The following HEATR9 variants were observed in gnomAD, a reference collection of about 807,000 sequenced individuals.
HEATR9 encodes the protein HEAT repeat containing 9, also known as protein HEATR9.
In HEATR9, 54 loss-of-function variants were observed where a neutral mutation model predicts 68.2. The observed-to-expected ratio is 0.79, with a 90% CI of 0.64 to 0.99. The LOEUF is 0.99. Among genes scored for constraint, HEATR9 ranks in the 50% least tolerant of loss-of-function variants. The pLI is 0.00. For missense variants in HEATR9, 662 were observed against 679.7 expected (o/e 0.97, Z 0.29); for synonymous variants, 241 against 253.5 (o/e 0.95, Z 0.47).
chr17:35,863,126 C>A lies in HEATR9; in HGVS notation c.626-1G>T. 1.2e-6 allele frequency: 2 copies of A among 1,613,984 alleles called. No individual in the cohort carries two copies. Among genetic ancestry groups the A allele is most frequent in the Non-Finnish European group, 1.7e-6 (2 of 1,180,038 alleles). Reference sequence around the variant, plus strand: ...CGGATCACATGCTTATTCAGGCAACCTGGACAGGGAGGGGCCTCAAGTCAG... The same window carrying A: ...CGGATCACATGCTTATTCAGGCAACATGGACAGGGAGGGGCCTCAAGTCAG... On this transcript the variant is annotated splice_acceptor_variant, in intron 7 of 14. Coordinates refer to ENST00000604834, the MANE Select transcript of HEATR9 (RefSeq NM_152781.4). LOFTEE classifies it high-confidence loss of function.
intron 8 of HEATR9, chr17:35,861,524 G>A (rs554833911): frequency 8.2e-5 from 77 of 941,986 alleles, no homozygotes; most frequent in Non-Finnish European, 1.3e-4. Context: ...TCATGGCTGG[G>A]GTAGATGGGC....
chr17:35,861,135 C>G, intron 8 of HEATR9: 1 of 1,363,840 alleles, frequency 7.3e-7, no homozygotes, highest in South Asian at 1.2e-5. Context: ...TCTCTTCCAA[C>G]TGCTTCCCTT....
chr17:35,858,484 G>T lies in HEATR9; in HGVS notation c.981C>A (p.Ala327=). ...MLVKVMHVHS[A]PVIKAILDQL... ...GGTCTAGGATGGCCTTGATGACTGG[G>T]GCTGAGTGCACGTGCATCACCTTGA... The change falls in exon 10 of 15, where the codon GCC becomes GCA. Residue 327 remains alanine, a synonymous_variant. Coordinates refer to ENST00000604834, the MANE Select transcript of HEATR9 (RefSeq NM_152781.4). 1 of 1,614,078 alleles carries T rather than the reference G, an allele frequency of 6.2e-7. No individual in the cohort carries two copies. The highest frequency in any genetic ancestry group is 8.5e-7 in the Non-Finnish European group (1 of 1,180,020).
At chr17:35,860,994 C>T (rs1350172808) in intron 8 of HEATR9, 4 of 578,132 alleles carry the variant, frequency 6.9e-6, no homozygotes, top group African/African-American at 5.6e-5. Context: ...TGCAGTGAGC[C>T]GAGATCATGC....
chr17:35,856,387 A>G, intron 12 of HEATR9, 163 bp from the exon 13 acceptor site: 2 of 1,550,560 alleles, frequency 1.3e-6, no homozygotes, highest in Non-Finnish European at 1.7e-6. Flanking sequence ...AGGGAGAGGA[A>G]AAAGAGGCAC....
chr17:35,865,603 T>C (rs1394006807), intron 2 of HEATR9, among the ~76,000 whole-genome samples: 1 of 152,202 alleles, frequency 6.6e-6, no homozygotes, highest in Non-Finnish European at 1.5e-5. Context: ...AGTCTTCTTA[T>C]CTGTAAAACA....
At chr17:35,864,922 C>T (rs148728864) in intron 3 of HEATR9, 32 bp from the exon 4 acceptor site, 3 of 1,613,928 alleles carry the variant, frequency 1.9e-6, no homozygotes, top group Non-Finnish European at 2.5e-6. Context: ...CAGCTTTGGT[C>T]CCTTTGTACC....
At chr17:35,863,775 T>C (rs1391112024) in intron 6 of HEATR9, 4 of 609,290 alleles carry the variant, frequency 6.6e-6, no homozygotes, top group Non-Finnish European at 1.2e-5. Context: ...CTATCTGGTA[T>C]CTTGTAGCCA....
At chr17:35,864,934 T>TC in intron 3 of HEATR9, 44 bp from the exon 4 acceptor site, 1 of 1,613,482 alleles carries the variant, frequency 6.2e-7, no homozygotes, top group Non-Finnish European at 8.5e-7. Context: ...CTTTGTACCT[T>TC]CCCTCCTCAG....
In HEATR9 at chr17:35,865,379, A is replaced by C. The variant is rs77979655; in HGVS notation, c.156T>G (p.Phe52Leu). The C allele has an allele frequency of 6.2e-7, 1 of 1,612,936 alleles. No homozygotes were observed. Among genetic ancestry groups the C allele is most frequent in the Non-Finnish European group, 8.5e-7 (1 of 1,179,880 alleles). The change falls in exon 3 of 15, where the codon TTT (phenylalanine) becomes TTG (leucine). Residue 52 changes from phenylalanine (F) to leucine (L), a missense_variant. Coordinates refer to ENST00000604834, the MANE Select transcript of HEATR9 (RefSeq NM_152781.4). Reference protein sequence around the residue: ...LSCYQMPKEEFPPSPECWRQH... With the variant: ...LSCYQMPKEELPPSPECWRQH... ...GCCTCCAGCACTCTGGACTTGGGGG[A>C]AACTCTTCCTTTGGCATCTGGGGGT...
intron 6 of HEATR9, 55 bp from the exon 7 acceptor site, chr17:35,863,614 C>T: frequency 1.3e-6 from 2 of 1,559,320 alleles, no homozygotes; most frequent in Non-Finnish European, 1.8e-6. Flanking sequence ...AATGTCAGAG[C>T]TTTAGGGATT....
At chr17:35,857,992 T>A (rs2087837240) in intron 11 of HEATR9, among the ~76,000 whole-genome samples, 1 of 152,060 alleles carries the variant, frequency 6.6e-6, no homozygotes, top group Non-Finnish European at 1.5e-5. Context: ...TTTTTTACCT[T>A]ATAGAAGGAA....
chr17:35,861,526 T>C, intron 8 of HEATR9: 1 of 928,448 alleles, frequency 1.1e-6, no homozygotes, highest in Admixed American at 1.7e-5. Context: ...ATGGCTGGGG[T>C]AGATGGGCCT....
chr17:35,868,881 A>C lies in HEATR9; in HGVS notation c.-139T>G. 1 of 687,378 alleles carries C rather than the reference A, an allele frequency of 1.5e-6. No homozygotes were observed. Among genetic ancestry groups the C allele is most frequent in the Non-Finnish European group, 2.5e-6 (1 of 407,758 alleles). 42.6% of individuals were successfully genotyped at this position (687,378 alleles called of 1,614,324 possible). On this transcript the variant is annotated 5_prime_UTR_variant, in exon 1 of 15. Transcript: ENST00000604834. Reference sequence around the variant, plus strand: ...AGGTGTCTGGACTTCTGGAGGTAGAAGCTTCCAAGTGCTAAGCGACCAGGT... The same window carrying C: ...AGGTGTCTGGACTTCTGGAGGTAGACGCTTCCAAGTGCTAAGCGACCAGGT...
intron 8 of HEATR9, among the ~76,000 whole-genome samples, chr17:35,862,233 C>A (rs947628574): frequency 5.3e-5 from 8 of 152,090 alleles, no homozygotes; most frequent in Non-Finnish European, 7.4e-5. Context: ...AATGTAACCT[C>A]CTCCATAAGC....
chr17:35,865,276 A>G lies in HEATR9; in HGVS notation c.259T>C (p.Tyr87His), dbSNP rs748062747. Residue 87 changes from tyrosine (Y) to histidine (H), a missense_variant, in exon 3 of 15, where the codon TAT (tyrosine) becomes CAT (histidine). By Grantham distance (83) the Tyr-to-His change is moderately conservative (BLOSUM62 2). Coordinates refer to ENST00000604834, the MANE Select transcript of HEATR9 (RefSeq NM_152781.4). ...GCCTCCCTTTCCTCTCGCTGATCAT[A>G]CAGGTCGTGCCAGTGCGTGTAGATC... ...PEIYTHWHDLYDQREEREAEK... is the reference protein window; with the variant it reads ...PEIYTHWHDLHDQREEREAEK... The G allele has an allele frequency of 1.2e-6, 2 of 1,613,986 alleles. No homozygotes were observed. The highest frequency in any genetic ancestry group is 2.7e-5 in the African/African-American group (2 of 74,968).
Position 35,863,520 on chromosome 17 carries a change from G to A in HEATR9, c.607C>T (p.Arg203Ter), listed in dbSNP as rs183997741. 6.9e-5 allele frequency: 111 copies of A among 1,614,148 alleles called. No individual in the cohort carries two copies. In the Admixed American group the frequency reaches 1.3e-3, roughly 18 times the overall value. The change falls in exon 7 of 15, where the codon CGA becomes TGA. Residue 203 changes from arginine (R) to a stop codon, truncating the protein, a stop_gained. Coordinates refer to ENST00000604834, the MANE Select transcript of HEATR9 (RefSeq NM_152781.4). LOFTEE classifies it high-confidence loss of function. ...GPEKVKYEAY[R>*]TLAILGCLNK... ...TACTCACCCAGGATGGCCAGGGTTC[G>A]GTAGGCCTCGTACTTCACTTTCTCT...
chr17:35,859,259 G>C (rs1166107708), intron 8 of HEATR9, among the ~76,000 whole-genome samples, 189 bp from the exon 9 acceptor site: 1 of 152,050 alleles, frequency 6.6e-6, no homozygotes, highest in Non-Finnish European at 1.5e-5. Flanking sequence ...ACTATCTCAT[G>C]GATGGATCAC....
intron 8 of HEATR9, among the ~76,000 whole-genome samples, chr17:35,860,842 G>A (rs563497696): frequency 3.9e-5 from 6 of 151,916 alleles, no homozygotes; most frequent in South Asian, 2.1e-4. Context: ...TCAGGAGTTC[G>A]AGACCAGCCT....
Sources: allele counts gnomAD v4.1 joint callset (sites outside exome capture counted in the v4.1 genomes callset), GRCh38; gene constraint gnomAD v4.1.1; transcripts MANE v1.5; gene names NCBI Gene and HGNC (gene_info 2026-07-23, HGNC 2026-07-21).